The following FOXO3 variants were observed in gnomAD, a reference collection of about 807,000 sequenced individuals.
FOXO3 encodes the protein forkhead box O3.
In FOXO3, 4 loss-of-function variants were observed where a neutral mutation model predicts 41.9. That is an observed-to-expected ratio of 0.10 (90% CI 0.05 to 0.22). The LOEUF is 0.22. Ranked by LOEUF, FOXO3 falls within the 10% of genes least tolerant of loss-of-function variation. The pLI is 1.00. For synonymous variants in FOXO3, 318 were observed against 389.3 expected (o/e 0.82, Z 2.16); for missense variants, 534 against 906.8 (o/e 0.59, Z 5.28).
intron 2 of FOXO3, among the ~76,000 whole-genome samples, chr6:108,666,944 G>T (rs937752901): frequency 6.6e-6 from 1 of 152,162 alleles, no homozygotes; most frequent in Admixed American, 6.5e-5. Context: ...TTTAAGTGGT[G>T]TAAAAAGCAA....
At chr6:108,581,411 G>A (rs997043898) in intron 1 of FOXO3, among the ~76,000 whole-genome samples, 1 of 152,130 alleles carries the variant, frequency 6.6e-6, no homozygotes, top group Admixed American at 6.5e-5. Flanking sequence ...AAATATTAGG[G>A]GTGATGGCTG....
chr6:108,643,990 CCA>C (rs1164837753), intron 1 of FOXO3, among the ~76,000 whole-genome samples: 1 of 152,112 alleles, frequency 6.6e-6, no homozygotes, highest in East Asian at 1.9e-4. Flanking sequence ...CCGTTGTTAC[CCA>C]GTGTAGTCGT....
intron 1 of FOXO3, among the ~76,000 whole-genome samples, chr6:108,572,595 G>C (rs1040503538): frequency 1.3e-5 from 2 of 152,208 alleles, no homozygotes; most frequent in African/African-American, 2.4e-5. Flanking sequence ...TTAAGAATCA[G>C]AATTGCATCT....
chr6:108,592,643 T>C (rs1187031279), intron 1 of FOXO3, among the ~76,000 whole-genome samples: 3 of 152,180 alleles, frequency 2.0e-5, no homozygotes, highest in Admixed American at 2.0e-4. Flanking sequence ...GAAGCTTGAG[T>C]GTGTGTGGGA....
chr6:108,606,754 C>T (rs1777213814), intron 1 of FOXO3, among the ~76,000 whole-genome samples: 1 of 152,170 alleles, frequency 6.6e-6, no homozygotes, highest in Non-Finnish European at 1.5e-5. Flanking sequence ...ATTTTGATCA[C>T]CTTTAGCACA....
chr6:108,587,501 G>A (rs549414924), intron 1 of FOXO3, among the ~76,000 whole-genome samples: 2 of 152,210 alleles, frequency 1.3e-5, no homozygotes, highest in African/African-American at 2.4e-5. Flanking sequence ...GCAAATTCAT[G>A]CAAAAATATA....
intron 2 of FOXO3, among the ~76,000 whole-genome samples, chr6:108,666,604 A>G (rs1582832606): frequency 6.6e-6 from 1 of 151,738 alleles, no homozygotes; most frequent in South Asian, 2.1e-4. Flanking sequence ...CAGCCTCCCA[A>G]AGTGCTGGGA....
chr6:108,626,234 C>A (rs1777811070), intron 1 of FOXO3, among the ~76,000 whole-genome samples: 1 of 152,168 alleles, frequency 6.6e-6, no homozygotes, highest in African/African-American at 2.4e-5. Flanking sequence ...TCTATGGTAA[C>A]AAGACAGGTA....
chr6:108,611,847 A>ACAACAGTGTC (rs1777374678), intron 1 of FOXO3, among the ~76,000 whole-genome samples: 1 of 152,168 alleles, frequency 6.6e-6, no homozygotes, highest in East Asian at 1.9e-4. Context: ...TGTCCTAACA[A>ACAACAGTGTC]CTAAAGAGCT....
At chr6:108,648,055 G>A (rs925065887) in intron 1 of FOXO3, among the ~76,000 whole-genome samples, 1 of 152,196 alleles carries the variant, frequency 6.6e-6, no homozygotes, top group African/African-American at 2.4e-5. Flanking sequence ...CTTTACAACA[G>A]CAAAGTCACT....
At chr6:108,628,155 A>G (rs1271066191) in intron 1 of FOXO3, among the ~76,000 whole-genome samples, 1 of 152,190 alleles carries the variant, frequency 6.6e-6, no homozygotes, top group Non-Finnish European at 1.5e-5. Flanking sequence ...AGTTGTTATC[A>G]TTCTTATCAT....
At position 108,561,374 on chromosome 6, in the gene FOXO3, A is replaced by T. The variant is rs1454498105; in HGVS notation, c.166A>T (p.Met56Leu). 4 of 1,556,648 alleles carry T rather than the reference A, an allele frequency of 2.6e-6. No homozygotes were observed. Among genetic ancestry groups the T allele is most frequent in the Admixed American group, 1.9e-5 (1 of 51,962 alleles). ...KPSGETAADS[M>L]IPEEEDDEDD... is the part of the protein sequence containing the mutation. ...CTCGGGGGAGACGGCCGCCGACTCC[A>T]TGATCCCCGAGGAGGAGGACGATGA... is the stretch of plus-strand genomic sequence containing the variant. Residue 56 changes from methionine (M) to leucine (L), a missense_variant, in exon 1 of 3, where the codon ATG becomes TTG. Around this residue, in one of 8 missense-constraint regions of FOXO3, gnomAD observed 139 missense variants for 163.7 expected, o/e 0.85. Transcript: ENST00000406360.
chr6:108,627,289 G>GTC (rs1777837355), intron 1 of FOXO3, among the ~76,000 whole-genome samples: 1 of 152,126 alleles, frequency 6.6e-6, no homozygotes, highest in Non-Finnish European at 1.5e-5. Flanking sequence ...GGAACTGAGA[G>GTC]TGAGAAGCCC....
chr6:108,567,183 T>G (rs1234618425), intron 1 of FOXO3, among the ~76,000 whole-genome samples: 4 of 152,228 alleles, frequency 2.6e-5, no homozygotes, highest in African/African-American at 7.2e-5. Flanking sequence ...ACTTCAACTC[T>G]GCTAAGAAGT....
At chr6:108,606,638 C>T (rs7753734) in intron 1 of FOXO3, among the ~76,000 whole-genome samples, 28,487 of 152,216 alleles carry the variant, frequency 0.19, 3,018 homozygotes, top group Middle Eastern at 0.27. Flanking sequence ...CAAGCAGGTT[C>T]AGAAAGCCAG....
At chr6:108,613,994 T>C (rs1239296870) in intron 1 of FOXO3, among the ~76,000 whole-genome samples, 1 of 152,184 alleles carries the variant, frequency 6.6e-6, no homozygotes, top group African/African-American at 2.4e-5. Flanking sequence ...AGTTAATTTT[T>C]AAATTTCCAA....
intron 1 of FOXO3, among the ~76,000 whole-genome samples, chr6:108,601,465 G>A (rs1011779999): frequency 6.6e-6 from 1 of 151,932 alleles, no homozygotes; most frequent in African/African-American, 2.4e-5. Context: ...CACCTTGCCC[G>A]GCTAATTTTT....
intron 1 of FOXO3, among the ~76,000 whole-genome samples, chr6:108,601,015 C>CT (rs962191693): frequency 2.5e-4 from 37 of 149,640 alleles, no homozygotes; most frequent in African/African-American, 4.7e-4. Flanking sequence ...TTCCTATTGT[C>CT]TTTTTTTTTT....
chr6:108,657,534 G>C (rs1200462098), intron 1 of FOXO3, among the ~76,000 whole-genome samples: 1 of 152,030 alleles, frequency 6.6e-6, no homozygotes, highest in Non-Finnish European at 1.5e-5. Context: ...TGCCTCAAAG[G>C]GTATAGCAAA....
Sources: allele counts gnomAD v4.1 joint callset (sites outside exome capture counted in the v4.1 genomes callset), GRCh38; gene constraint gnomAD v4.1.1; regional missense constraint gnomAD v4.1.1; transcripts MANE v1.5; gene names NCBI Gene and HGNC (gene_info 2026-07-23, HGNC 2026-07-21).